MATN2: variants seen among roughly 807,000 people sequenced by gnomAD.
MATN2 encodes the protein matrilin-2.
A neutral mutation model predicts 103.2 loss-of-function variants in MATN2; 69 were observed. The ratio of observed to expected loss-of-function variants is 0.67; its 90% CI spans 0.55 to 0.82. MATN2 has a LOEUF of 0.82. Ranked by LOEUF, MATN2 falls within the 40% of genes least tolerant of loss-of-function variation. MATN2 has a pLI of 0.00. For synonymous variants in MATN2, 429 were observed against 450.2 expected (o/e 0.95, Z 0.60); for missense variants, 1,023 against 1,211.5 (o/e 0.84, Z 2.31).
chr8:97,976,739 C>T (rs75085242), intron 5 of MATN2, among the ~76,000 whole-genome samples: 10 of 144,682 alleles, frequency 6.9e-5, no homozygotes, highest in African/African-American at 2.6e-4. Context: ...TTTCCAAAAA[C>T]TTTTTTTTTT....
At chr8:98,027,361 T>G (rs549211868) in intron 13 of MATN2, 55 bp from the exon 14 acceptor site, 897 of 1,449,252 alleles carry the variant, frequency 6.2e-4, no homozygotes, top group Non-Finnish European at 7.9e-4. Flanking sequence ...TATTCTACTC[T>G]TGTGCATAAA....
In MATN2 at chr8:97,886,334, C is replaced by T. The variant is rs564445630; in HGVS notation, c.-26-1741C>T. Among the ~76,000 whole-genome samples the T allele has an allele frequency of 2.5e-4, 38 of 152,212 alleles. 1 individual carries two copies. In the East Asian group the frequency reaches 7.1e-3, roughly 29 times the overall value. Reference sequence around the variant, plus strand: ...TGCACTTGAATCATCCCAAAACCACCCCCACAGCTGGGTCTGTGGAAAAAT... The same window carrying T: ...TGCACTTGAATCATCCCAAAACCACTCCCACAGCTGGGTCTGTGGAAAAAT... On this transcript the variant is annotated intron_variant, in intron 1 of 18. Transcript: ENST00000254898.
chr8:97,954,266 T>A (rs1184711001), intron 4 of MATN2, among the ~76,000 whole-genome samples: 2 of 152,292 alleles, frequency 1.3e-5, no homozygotes, highest in Middle Eastern at 3.4e-3. Context: ...CAGGTCCAAA[T>A]AAAAATTTGG....
At chr8:97,879,987 C>T (rs774320877) in intron 1 of MATN2, among the ~76,000 whole-genome samples, 2 of 152,068 alleles carry the variant, frequency 1.3e-5, no homozygotes, top group African/African-American at 2.4e-5. Flanking sequence ...ACTCATAGAA[C>T]AGTTGGTGTG....
Position 98,007,418 on chromosome 8 carries a change from T to G in MATN2, c.1451-61T>G. ...CGGGGTGAGCATGACGGTCACTTGATCCAATCACTGTCGCCCAGAGGTCTC... is the reference window on the plus strand; with the variant it reads ...CGGGGTGAGCATGACGGTCACTTGAGCCAATCACTGTCGCCCAGAGGTCTC... On this transcript the variant is annotated intron_variant, in intron 9 of 18. Transcript: ENST00000254898. The surrounding 1 kb of genome is among the most constrained non-coding windows in gnomAD (Gnocchi z 4.2). 6.3e-7 allele frequency: 1 copy of G among 1,586,778 alleles called. No individual in the cohort carries two copies. Among genetic ancestry groups the G allele is most frequent in the South Asian group, 1.1e-5 (1 of 88,592 alleles).
In MATN2 at chr8:97,926,915, C is replaced by G. The variant is rs560921937; in HGVS notation, c.143-4038C>G. Among the ~76,000 whole-genome samples the G allele has an allele frequency of 2.6e-5, 4 of 152,312 alleles. No individual in the cohort carries two copies. The South Asian group carries it at 8.3e-4, about 32-fold the overall frequency. On this transcript the variant is annotated intron_variant, in intron 2 of 18. Coordinates refer to ENST00000254898, the MANE Select transcript of MATN2 (RefSeq NM_002380.5). ...TGCATGCCTACAAAGATAAATGAGA[C>G]TAGTTTCCTAACCTTGGGGAATTCC...
chr8:98,018,155 T>A (rs747078880), intron 12 of MATN2, 39 bp downstream of exon 12: 3 of 1,611,746 alleles, frequency 1.9e-6, no homozygotes, highest in Admixed American at 1.7e-5. Flanking sequence ...TTTCCCTCTG[T>A]GGACTCAGAC....
chr8:97,907,609 A>G (rs1355022177), intron 2 of MATN2, among the ~76,000 whole-genome samples: 2 of 151,978 alleles, frequency 1.3e-5, no homozygotes, highest in Non-Finnish European at 2.9e-5. Context: ...GGCGTGAGCC[A>G]TGGTGCCCAG....
At chr8:97,984,712 A>G (rs564357386) in intron 6 of MATN2, among the ~76,000 whole-genome samples, 2 of 152,318 alleles carry the variant, frequency 1.3e-5, no homozygotes, top group South Asian at 4.2e-4. Context: ...AGTAATACCA[A>G]TAACCTTTTA....
chr8:97,960,027 G>GCAACCTCCAC (rs1178759759), intron 4 of MATN2, among the ~76,000 whole-genome samples: 1 of 151,834 alleles, frequency 6.6e-6, no homozygotes, highest in African/African-American at 2.4e-5. Context: ...TCGGCTCACT[G>GCAACCTCCAC]CAACCTCCAC....
intron 1 of MATN2, among the ~76,000 whole-genome samples, chr8:97,878,744 G>A (rs1198170269): frequency 2.0e-5 from 3 of 152,014 alleles, no homozygotes; most frequent in Non-Finnish European, 1.5e-5. Context: ...CCAGCTACTT[G>A]GGAGGCTGAG....
chr8:97,898,884 G>A (rs1412169038), intron 2 of MATN2, among the ~76,000 whole-genome samples: 1 of 151,836 alleles, frequency 6.6e-6, no homozygotes, highest in African/African-American at 2.4e-5. Flanking sequence ...AAGTAGCTGG[G>A]ATTACAAGCA....
At chr8:97,909,353 G>A (rs1266040449) in intron 2 of MATN2, among the ~76,000 whole-genome samples, 2 of 152,190 alleles carry the variant, frequency 1.3e-5, no homozygotes, top group African/African-American at 4.8e-5. Context: ...TATAAGTGAG[G>A]TCATGCAGTA....
intron 4 of MATN2, among the ~76,000 whole-genome samples, chr8:97,943,799 T>G (rs1793538797): frequency 6.6e-6 from 1 of 152,238 alleles, no homozygotes; most frequent in South Asian, 2.1e-4. Context: ...CCTTGTCTCA[T>G]GTCCCACTGA....
chr8:97,875,690 GT>G (rs763539274), intron 1 of MATN2, among the ~76,000 whole-genome samples: 2,299 of 81,752 alleles, frequency 0.028, 16 homozygotes, highest in African/African-American at 0.12. Flanking sequence ...GTATTTGCCT[GT>G]TTTTTTTTTT....
intron 12 of MATN2, among the ~76,000 whole-genome samples, chr8:98,019,351 T>A (rs1240021529): frequency 2.0e-5 from 3 of 152,154 alleles, no homozygotes; most frequent in Non-Finnish European, 4.4e-5. Context: ...AGGCAAGAGC[T>A]GATGCTGCAG....
chr8:97,952,916 ATTTTTTTTTTTTT>A lies in MATN2; in HGVS notation c.836-8480_836-8468del, dbSNP rs71570276. Reference sequence around the variant, plus strand: ...GGATCTAATATTCATGTTTGTAGGGATTTTTTTTTTTTTTTTTTTTTTTTGAGACAGGATCTCG... The same window carrying A: ...GGATCTAATATTCATGTTTGTAGGGATTTTTTTTTTTGAGACAGGATCTCG... On this transcript the variant is annotated intron_variant, in intron 4 of 18. Coordinates refer to ENST00000254898, the MANE Select transcript of MATN2 (RefSeq NM_002380.5). Among the ~76,000 whole-genome samples, 6 of 96,138 alleles carry A rather than the reference ATTTTTTTTTTTTT, an allele frequency of 6.2e-5. No individual in the cohort carries two copies. The Admixed American group carries it at 6.5e-4, about 10-fold the overall frequency. 63.1% of individuals were successfully genotyped at this position (96,138 alleles called of 152,430 possible). A position where few individuals can be genotyped will look rare whatever the true frequency, so the allele number is the denominator to read the frequency against.
At chr8:97,886,320 C>G (rs961738423) in intron 1 of MATN2, among the ~76,000 whole-genome samples, 1 of 152,140 alleles carries the variant, frequency 6.6e-6, no homozygotes, top group Non-Finnish European at 1.5e-5. Flanking sequence ...GCACTTGAAT[C>G]ATCCCAAAAC....
intron 4 of MATN2, among the ~76,000 whole-genome samples, chr8:97,950,022 G>A (rs1043379169): frequency 1.3e-5 from 2 of 152,172 alleles, no homozygotes; most frequent in African/African-American, 4.8e-5. Flanking sequence ...GAGCAGCAGG[G>A]AGAGGGATTA....
Sources: allele counts gnomAD v4.1 joint callset (sites outside exome capture counted in the v4.1 genomes callset), GRCh38; gene constraint gnomAD v4.1.1; non-coding constraint Gnocchi (gnomAD v3.1); transcripts MANE v1.5; gene names NCBI Gene and HGNC (gene_info 2026-07-23, HGNC 2026-07-21).